Variants in SCD5 observed in about 807,000 individuals in gnomAD.
The protein encoded by SCD5 is acyl-CoA-desaturase 4.
In SCD5, 20 loss-of-function variants were observed where a neutral mutation model predicts 30.4. The observed-to-expected ratio is 0.66, with a 90% CI of 0.46 to 0.96. The LOEUF (loss-of-function observed/expected upper bound fraction) is 0.96. Ranked by LOEUF, SCD5 falls within the 40% of genes least tolerant of loss-of-function variation. SCD5 has a pLI of 0.00. For missense variants in SCD5, 381 were observed against 443.3 expected, an observed-to-expected ratio of 0.86 and a Z score of 1.26; for synonymous variants, 173 against 176.4, an observed-to-expected ratio of 0.98 and a Z score of 0.16.
At chr4:82,685,866 A>G (rs959499275) in intron 2 of SCD5, among the ~76,000 whole-genome samples, 1 of 152,136 alleles carries the variant, frequency 6.6e-6, no homozygotes, top group Admixed American at 6.5e-5. Flanking sequence ...GATGCTGTAC[A>G]TTATTTTTTT....
chr4:82,796,126 C>T (rs563174157), intron 1 of SCD5, among the ~76,000 whole-genome samples: 4 of 151,958 alleles, frequency 2.6e-5, no homozygotes, highest in Admixed American at 6.5e-5. Flanking sequence ...AAAAATTAGC[C>T]GGGCGTGGTG....
intron 2 of SCD5, among the ~76,000 whole-genome samples, chr4:82,685,076 C>G (rs946762856): frequency 9.2e-5 from 14 of 152,206 alleles, no homozygotes; most frequent in African/African-American, 3.1e-4. Flanking sequence ...AGATCACAGT[C>G]TTACTCTGCA....
chr4:82,782,167 G>T (rs771220093), intron 1 of SCD5, among the ~76,000 whole-genome samples: 1 of 151,006 alleles, frequency 6.6e-6, no homozygotes, highest in African/African-American at 2.4e-5. Flanking sequence ...CTGTGTCTCC[G>T]GCCTGCCTGA....
intron 4 of SCD5, among the ~76,000 whole-genome samples, chr4:82,632,270 G>A (rs924229640): frequency 5.4e-5 from 8 of 148,114 alleles, no homozygotes; most frequent in African/African-American, 2.0e-4. Context: ...CCACCTATGA[G>A]TGAGAACATG....
chr4:82,695,190 G>A (rs73829967), intron 2 of SCD5, among the ~76,000 whole-genome samples: 1,703 of 152,148 alleles, frequency 0.011, 35 homozygotes, highest in African/African-American at 0.039. Context: ...TGATCACGCA[G>A]GGCCCCATAG....
intron 4 of SCD5, among the ~76,000 whole-genome samples, chr4:82,631,987 C>T (rs1411241594): frequency 2.6e-5 from 4 of 152,040 alleles, no homozygotes; most frequent in Admixed American, 2.0e-4. Context: ...CTACCCCTTC[C>T]AGTGGCCAGT....
At chr4:82,759,238 G>A (rs572774371) in intron 1 of SCD5, among the ~76,000 whole-genome samples, 3 of 152,326 alleles carry the variant, frequency 2.0e-5, no homozygotes, top group South Asian at 4.1e-4. Context: ...CAGCCACAGT[G>A]GCAGCTGGCG....
At chr4:82,736,147 G>T (rs1284778025) in intron 1 of SCD5, among the ~76,000 whole-genome samples, 1 of 151,942 alleles carries the variant, frequency 6.6e-6, no homozygotes, top group Non-Finnish European at 1.5e-5. Context: ...AATTAGCAGG[G>T]TGTGGTGGCA....
chr4:82,706,225 G>C (rs77634709), intron 1 of SCD5, among the ~76,000 whole-genome samples: 9,166 of 152,132 alleles, frequency 0.06, 449 homozygotes, highest in African/African-American at 0.13. Flanking sequence ...CAAGTAGTCA[G>C]GGAACAAGTA....
chr4:82,632,723 G>A (rs7665702), intron 4 of SCD5, among the ~76,000 whole-genome samples: 34,893 of 151,806 alleles, frequency 0.23, 4,371 homozygotes, highest in East Asian at 0.35. Flanking sequence ...TTTAATGATC[G>A]CCATTCTAAC....
In SCD5 at chr4:82,746,743, T is replaced by TA. The variant is rs374742422; in HGVS notation, c.233-41331dup. Among the ~76,000 whole-genome samples the TA allele has an allele frequency of 2.7e-3, 417 of 152,056 alleles. 2 individuals are homozygous for TA. Among genetic ancestry groups the TA allele is most frequent in the African/African-American group, 9.4e-3 (390 of 41,460 alleles). On this transcript the variant is annotated intron_variant, in intron 1 of 4. Coordinates refer to ENST00000319540, the MANE Select transcript of SCD5 (RefSeq NM_001037582.3). ...AATATCCAAGCAGAACTAACATTGA[T>TA]ACGGGAAAGAGCAAGGGAGGTGCTG...
rs187602341 is a variant in SCD5 at position 82,649,086 on chromosome 4, A to G, written c.570-12263T>C. ...TGAGTAGTGAGACACTACTACATTT[A>G]GTTTTCACTCCACTATGTGTATTTG... On this transcript the variant is annotated intron_variant, in intron 3 of 4. Transcript: ENST00000319540. Among the ~76,000 whole-genome samples, 186 of 151,798 alleles carry G rather than the reference A, an allele frequency of 1.2e-3. 2 individuals are homozygous for G. The highest frequency in any genetic ancestry group is 5.1e-3 in the Admixed American group (78 of 15,210).
At chr4:82,778,095 C>G (rs1721792145) in intron 1 of SCD5, among the ~76,000 whole-genome samples, 1 of 152,086 alleles carries the variant, frequency 6.6e-6, no homozygotes, top group East Asian at 1.9e-4. Flanking sequence ...GAAGTTATTA[C>G]CCTCAGCAGA....
intron 1 of SCD5, among the ~76,000 whole-genome samples, chr4:82,789,019 C>T (rs976869496): frequency 2.0e-5 from 3 of 152,056 alleles, no homozygotes; most frequent in African/African-American, 4.8e-5. Context: ...TTTTGTGATA[C>T]CTGCAGCCAA....
At chr4:82,679,259 A>G (rs1328982473) in intron 3 of SCD5, among the ~76,000 whole-genome samples, 35 of 109,350 alleles carry the variant, frequency 3.2e-4, no homozygotes, top group African/African-American at 1.1e-3. Flanking sequence ...AAAGAAAGAA[A>G]GAAGGAAGGA....
intron 1 of SCD5, among the ~76,000 whole-genome samples, chr4:82,793,100 TAAC>T (rs1376744616): frequency 1.3e-5 from 2 of 152,244 alleles, no homozygotes; most frequent in African/African-American, 4.8e-5. Context: ...GCAAGAGTTG[TAAC>T]AACAATGGGC....
chr4:82,644,219 A>T (rs893056651), intron 3 of SCD5, among the ~76,000 whole-genome samples: 1 of 152,180 alleles, frequency 6.6e-6, no homozygotes, highest in Non-Finnish European at 1.5e-5. Context: ...TGACCAGAGA[A>T]GCCCGTTGTC....
intron 4 of SCD5, among the ~76,000 whole-genome samples, chr4:82,633,374 A>G (rs1727361159): frequency 6.6e-6 from 1 of 152,214 alleles, no homozygotes; most frequent in Admixed American, 6.5e-5. Flanking sequence ...TTCTTTATCC[A>G]TTCATCTGTT....
Position 82,665,123 on chromosome 4 carries a change from G to A in SCD5, c.569+15584C>T, listed in dbSNP as rs376064089. On this transcript the variant is annotated intron_variant, in intron 3 of 4. Coordinates refer to ENST00000319540, the MANE Select transcript of SCD5 (RefSeq NM_001037582.3). ...GCATGGTGGTATGTGCCTGTAGTCC[G>A]ACTCAGGAGGCTGAGGCAGGAGGAT... Among the ~76,000 whole-genome samples the A allele has an allele frequency of 2.3e-4, 33 of 144,158 alleles. 1 individual carries two copies. Among genetic ancestry groups the A allele is most frequent in the African/African-American group, 5.9e-4 (23 of 39,006 alleles). 94.6% of individuals were successfully genotyped at this position (144,158 alleles called of 152,430 possible). A position where few individuals can be genotyped will look rare whatever the true frequency, so the allele number is the denominator to read the frequency against.
Sources: gnomAD v4.1 joint callset for allele counts (sites outside exome capture counted in the v4.1 genomes callset) on GRCh38, gnomAD v4.1.1 for gene constraint, MANE v1.5 for transcripts, NCBI Gene and HGNC (gene_info 2026-07-23, HGNC 2026-07-21) for gene names.